The following CCSAP variants were observed in gnomAD, a reference collection of about 807,000 sequenced individuals.
CCSAP encodes centriole, cilia and spindle-associated protein.
Under a neutral mutation model 25.9 loss-of-function variants are expected in CCSAP, and 17 were observed. The observed-to-expected ratio is 0.66, with a 90% CI of 0.45 to 0.99. The LOEUF (loss-of-function observed/expected upper bound fraction) is 0.99, where lower values mean the gene tolerates loss of function less well. CCSAP is among the 50% of genes least tolerant of loss of function. CCSAP has a pLI of 0.00. For missense variants in CCSAP, 339 were observed against 367.8 expected (o/e 0.92, Z 0.64); for synonymous variants, 169 against 157.1 (o/e 1.08, Z -0.57).
chr1:229,327,039 T>C lies in CCSAP; in HGVS notation c.368-33A>G. 3 of 1,536,560 alleles carry C rather than the reference T, an allele frequency of 2.0e-6. No individual in the cohort carries two copies. In the South Asian group the frequency reaches 3.7e-5, roughly 19 times the overall value. On this transcript the variant is annotated intron_variant, in intron 2 of 3. Transcript: ENST00000284617. ...AAAGAGATAAATGAGATGAAAATAC[T>C]TTGAAATCAGATTTATATATAATTA...
At chr1:229,334,738 A>G (rs901891235) in intron 2 of CCSAP, among the ~76,000 whole-genome samples, 11 of 152,154 alleles carry the variant, frequency 7.2e-5, no homozygotes, top group African/African-American at 2.7e-4. Context: ...AAATATAGCA[A>G]ATTGGAGGGT....
chr1:229,342,287 TCCTCCGAGGAGCCGGCCGGGC>T lies in CCSAP; in HGVS notation c.158_178del (p.Gly53_Glu59del). The T allele has an allele frequency of 7.2e-7, 1 of 1,381,530 alleles. No homozygotes were observed. The highest frequency in any genetic ancestry group is 9.4e-7 in the Non-Finnish European group (1 of 1,067,268). The allele number at this position is 1,381,530 out of a possible 1,614,324, so 85.6% of individuals were successfully genotyped here. ...GCCCGACGACTCTGACGACGCCGAG[TCCTCCGAGGAGCCGGCCGGGC>T]CCCAGTCGTCCCAGAGCCAGGGCGC... On this transcript the variant is annotated inframe_deletion, in exon 2 of 4. Coordinates refer to ENST00000284617, the MANE Select transcript of CCSAP (RefSeq NM_145257.5). The surrounding 1 kb of genome is among the most constrained non-coding windows in gnomAD (Gnocchi z 7.5).
At chr1:229,334,510 C>CA (rs1658150732) in intron 2 of CCSAP, among the ~76,000 whole-genome samples, 1 of 150,402 alleles carries the variant, frequency 6.6e-6, no homozygotes, top group East Asian at 2.0e-4. Flanking sequence ...AGGCAGGGGG[C>CA]AAAAAAATCA....
At chr1:229,327,532 C>T in intron 2 of CCSAP, 1 of 456,264 alleles carries the variant, frequency 2.2e-6, no homozygotes. Context: ...TCCATCGTTA[C>T]CGCCTAGGTG....
At chr1:229,332,696 G>T (rs1010119902) in intron 2 of CCSAP, among the ~76,000 whole-genome samples, 2 of 151,602 alleles carry the variant, frequency 1.3e-5, no homozygotes, top group Non-Finnish European at 2.9e-5. Flanking sequence ...AACCACACGT[G>T]GTTACTAAAT....
intron 2 of CCSAP, among the ~76,000 whole-genome samples, chr1:229,337,698 T>TATATATATAC (rs1473619585): frequency 1.3e-3 from 80 of 60,560 alleles, no homozygotes; most frequent in African/African-American, 4.6e-3. Flanking sequence ...TATATATATA[T>TATATATATAC]ACACATACAT....
At chr1:229,339,190 C>G (rs1400296721) in intron 2 of CCSAP, among the ~76,000 whole-genome samples, 4 of 150,788 alleles carry the variant, frequency 2.7e-5, no homozygotes, top group African/African-American at 9.7e-5. Flanking sequence ...AAGTGCCCAG[C>G]AAAGCAAAGG....
Position 229,342,050 on chromosome 1 carries a change from A to C in CCSAP, c.367+49T>G. On this transcript the variant is annotated intron_variant, in intron 2 of 3. Coordinates refer to ENST00000284617, the MANE Select transcript of CCSAP (RefSeq NM_145257.5). The surrounding 1 kb of genome is among the most constrained non-coding windows in gnomAD (Gnocchi z 7.5). ...AGATCAGCTGCTCAGAGCTTAGAGC[A>C]AACCGTCCCTGCGTGCAGGCCCCTC... is the stretch of plus-strand genomic sequence containing the variant. 1 of 1,294,232 alleles carries C rather than the reference A, an allele frequency of 7.7e-7. No individual in the cohort carries two copies. Among genetic ancestry groups the C allele is most frequent in the East Asian group, 2.9e-5 (1 of 34,710 alleles). 80.2% of individuals were successfully genotyped at this position (1,294,232 alleles called of 1,614,324 possible). A position where few individuals can be genotyped will look rare whatever the true frequency, so the allele number is the denominator to read the frequency against.
At chr1:229,334,458 A>G (rs183571591) in intron 2 of CCSAP, among the ~76,000 whole-genome samples, 1 of 152,350 alleles carries the variant, frequency 6.6e-6, no homozygotes, top group Admixed American at 6.5e-5. Flanking sequence ...AGCAGTTATC[A>G]GAGGGAAATT....
chr1:229,337,678 A>AAAAAAAAAAAAAATATATAT lies in CCSAP; in HGVS notation c.367+4420_367+4421insATATATATTTTTTTTTTTTT. Among the ~76,000 whole-genome samples the AAAAAAAAAAAAAATATATAT allele has an allele frequency of 1.8e-4, 12 of 65,484 alleles. No homozygotes were observed. In the East Asian group the frequency reaches 3.2e-3, roughly 17 times the overall value. 43.0% of individuals were successfully genotyped at this position (65,484 alleles called of 152,430 possible). On this transcript the variant is annotated intron_variant, in intron 2 of 3. Coordinates refer to ENST00000284617, the MANE Select transcript of CCSAP (RefSeq NM_145257.5). Reference sequence around the variant, plus strand: ...GAACAAGATCAAAGGCTCAAAAAAAAATATATATATATATATATATACACA... The same window carrying AAAAAAAAAAAAAATATATAT: ...GAACAAGATCAAAGGCTCAAAAAAAAAAAAAAAAAAAAATATATATATATATATATATATATATATACACA...
At position 229,337,678 on chromosome 1, in the gene CCSAP, A is replaced by AAAAAAAAAAAAATATATAT; in HGVS notation, c.367+4420_367+4421insATATATATTTTTTTTTTTT. Among the ~76,000 whole-genome samples, 70 of 65,394 alleles carry AAAAAAAAAAAAATATATAT rather than the reference A, an allele frequency of 1.1e-3. 1 individual carries two copies. Among genetic ancestry groups the AAAAAAAAAAAAATATATAT allele is most frequent in the Non-Finnish European group, 1.5e-3 (50 of 32,404 alleles). The allele number at this position is 65,394 out of a possible 152,430, so 42.9% of individuals were successfully genotyped here. A position where few individuals can be genotyped will look rare whatever the true frequency, so the allele number is the denominator to read the frequency against. On this transcript the variant is annotated intron_variant, in intron 2 of 3. Transcript: ENST00000284617. ...GAACAAGATCAAAGGCTCAAAAAAA[A>AAAAAAAAAAAAATATATAT]ATATATATATATATATATATACACA...
rs1488805785 is a variant in CCSAP at position 229,325,109 on chromosome 1, TA to T, written c.*125del. 30 of 955,472 alleles carry T rather than the reference TA, an allele frequency of 3.1e-5. No individual in the cohort carries two copies. Among genetic ancestry groups the T allele is most frequent in the Admixed American group, 5.8e-5 (2 of 34,714 alleles). The allele number at this position is 955,472 out of a possible 1,614,324, so 59.2% of individuals were successfully genotyped here. The stretch of plus-strand genomic sequence containing the variant: ...ATAAAACAATCTTTTACAAATTCCC[TA>T]AAAAAAACCTTGCATAATCAGTTGG... On this transcript the variant is annotated 3_prime_UTR_variant, in exon 4 of 4. Transcript: ENST00000284617.
rs144000019 is a variant in CCSAP, at chr1:229,338,267, GA to G, written c.367+3831del. Among the ~76,000 whole-genome samples, 632 of 152,288 alleles carry G rather than the reference GA, an allele frequency of 4.2e-3. 7 individuals are homozygous for G. The highest frequency in any genetic ancestry group is 6.3e-3 in the Admixed American group (96 of 15,300). On this transcript the variant is annotated intron_variant, in intron 2 of 3. Coordinates refer to ENST00000284617, the MANE Select transcript of CCSAP (RefSeq NM_145257.5). ...GCCAACAGATAAGATTAAATAAAAA[GA>G]GGGTGGCCAATGCTGAAAGGAAAGC...
rs760895958 is a variant in CCSAP, at chr1:229,342,316, G to A, written c.150C>T (p.Asp50=). ...LEQAHAPWLW[D]DWGPAGSSED... Reference sequence around the variant, plus strand: ...CCGAGGAGCCGGCCGGGCCCCAGTCGTCCCAGAGCCAGGGCGCGTGCGCCT... The same window carrying A: ...CCGAGGAGCCGGCCGGGCCCCAGTCATCCCAGAGCCAGGGCGCGTGCGCCT... Residue 50 remains aspartate, a synonymous_variant, in exon 2 of 4, where the codon GAC becomes GAT. Coordinates refer to ENST00000284617, the MANE Select transcript of CCSAP (RefSeq NM_145257.5). This position sits in a 1 kb window ranked among gnomAD's most constrained non-coding sequence, Gnocchi z 7.5. 37 of 1,476,794 alleles carry A rather than the reference G, an allele frequency of 2.5e-5. No individual in the cohort carries two copies. The highest frequency in any genetic ancestry group is 1.7e-4 in the East Asian group (6 of 35,822). 91.5% of individuals were successfully genotyped at this position (1,476,794 alleles called of 1,614,324 possible). A position where few individuals can be genotyped will look rare whatever the true frequency, so the allele number is the denominator to read the frequency against.
intron 2 of CCSAP, among the ~76,000 whole-genome samples, chr1:229,337,754 A>G (rs528733379): frequency 7.2e-6 from 1 of 139,620 alleles, no homozygotes; most frequent in African/African-American, 2.6e-5. Flanking sequence ...TCTCCAAGGG[A>G]AAAAAAAAAT....
Position 229,342,113 on chromosome 1 carries a change from T to TCCTCCGCGTCCTCGG in CCSAP, c.338_352dup (p.Ala113_Glu117dup), listed in dbSNP as rs1186231791. The TCCTCCGCGTCCTCGG allele has an allele frequency of 1.5e-5, 20 of 1,346,602 alleles. No homozygotes were observed. The East Asian group carries it at 3.6e-4, about 24-fold the overall frequency. The allele number at this position is 1,346,602 out of a possible 1,614,324, so 83.4% of individuals were successfully genotyped here. ...GGGCCGGGTACCTGGCAGAGCCGCG[T>TCCTCCGCGTCCTCGG]CCTCCGCGTCCTCGGCCTCCGCGTC... On this transcript the variant is annotated inframe_insertion, in exon 2 of 4. Transcript: ENST00000284617. This position sits in a 1 kb window ranked among gnomAD's most constrained non-coding sequence, Gnocchi z 7.5.
chr1:229,337,678 A>AAAAAAAAAAAAAAATATATAT, intron 2 of CCSAP, among the ~76,000 whole-genome samples: 2 of 65,542 alleles, frequency 3.1e-5, no homozygotes, highest in African/African-American at 6.0e-5. Context: ...CTCAAAAAAA[A>AAAAAAAAAAAAAAATATATAT]ATATATATAT....
rs1325468104 is a variant in CCSAP at position 229,321,832 on chromosome 1, T to C, written c.*3403A>G. 6.6e-6 allele frequency: 1 copy of C among 152,224 alleles called. No individual in the cohort carries two copies. Among genetic ancestry groups the C allele is most frequent in the African/African-American group, 2.4e-5 (1 of 41,464 alleles). 9.4% of individuals were successfully genotyped at this position (152,224 alleles called of 1,614,324 possible). A position where few individuals can be genotyped will look rare whatever the true frequency, so the allele number is the denominator to read the frequency against. On this transcript the variant is annotated 3_prime_UTR_variant, in exon 4 of 4. Coordinates refer to ENST00000284617, the MANE Select transcript of CCSAP (RefSeq NM_145257.5). The stretch of plus-strand genomic sequence containing the variant: ...TTCTGCATCCATGGATTCAACCAAA[T>C]ACAAATTGAAAATATTTGGGGGCAA...
intron 2 of CCSAP, among the ~76,000 whole-genome samples, chr1:229,332,060 C>A (rs1658081873): frequency 6.6e-6 from 1 of 151,868 alleles, no homozygotes; most frequent in Non-Finnish European, 1.5e-5. Flanking sequence ...CCAGACTGGT[C>A]TTGAACTCCT....
Sources: gnomAD v4.1 joint callset for allele counts (sites outside exome capture counted in the v4.1 genomes callset) on GRCh38, gnomAD v4.1.1 for gene constraint, Gnocchi (gnomAD v3.1) non-coding constraint, MANE v1.5 for transcripts, NCBI Gene and HGNC (gene_info 2026-07-23, HGNC 2026-07-21) for gene names.